Variants in ATP8B4 observed in about 807,000 individuals in gnomAD.
ATP8B4 encodes the protein probable phospholipid-transporting ATPase IM.
A neutral mutation model predicts 145.6 loss-of-function variants in ATP8B4; 133 were observed. The observed-to-expected ratio is 0.91, with a 90% CI of 0.79 to 1.05. The LOEUF (loss-of-function observed/expected upper bound fraction) is 1.05. ATP8B4 is among the 50% of genes least tolerant of loss of function. ATP8B4 has a pLI of 0.00. For synonymous variants in ATP8B4, 507 were observed against 492.9 expected (o/e 1.03, Z -0.38); for missense variants, 1,458 against 1,425.2 (o/e 1.02, Z -0.37).
upstream of ATP8B4, among the ~76,000 whole-genome samples, chr15:50,122,024 T>C (rs2057275257): frequency 6.6e-6 from 1 of 152,214 alleles, no homozygotes; most frequent in Admixed American, 6.6e-5. Context: ...GAAATTTTTA[T>C]TCTTAAGAAT....
At chr15:50,033,172 C>T (rs1270340051) in intron 6 of ATP8B4, among the ~76,000 whole-genome samples, 1 of 152,044 alleles carries the variant, frequency 6.6e-6, no homozygotes, top group Non-Finnish European at 1.5e-5. Context: ...AATACAGTTT[C>T]CAAAAATGAA....
intron 2 of ATP8B4, among the ~76,000 whole-genome samples, chr15:50,105,972 T>C (rs907272390): frequency 3.3e-5 from 5 of 152,304 alleles, no homozygotes; most frequent in East Asian, 1.9e-4. Flanking sequence ...CTGATTAGCA[T>C]TGGGAATATG....
intron 1 of ATP8B4, among the ~76,000 whole-genome samples, chr15:50,156,677 T>A (rs2140827364): frequency 6.6e-6 from 1 of 152,324 alleles, no homozygotes; most frequent in South Asian, 2.1e-4. Flanking sequence ...TAAACTGAGC[T>A]CTACATTTTC....
At chr15:49,967,365 G>A (rs574428598) in intron 13 of ATP8B4, among the ~76,000 whole-genome samples, 1 of 152,286 alleles carries the variant, frequency 6.6e-6, no homozygotes, top group African/African-American at 2.4e-5. Flanking sequence ...AGGAAGCTAA[G>A]AACTTTGTAA....
At chr15:50,073,997 T>G in intron 3 of ATP8B4, 130 bp downstream of exon 3, 1 of 640,544 alleles carries the variant, frequency 1.6e-6, no homozygotes, top group South Asian at 2.3e-5. Context: ...GAAATATATG[T>G]CACCTTGCTG....
chr15:50,044,800 C>T, intron 4 of ATP8B4, 108 bp from the exon 5 acceptor site: 2 of 654,506 alleles, frequency 3.1e-6, no homozygotes, highest in Non-Finnish European at 5.1e-6. Flanking sequence ...CTTATTTGTA[C>T]AAATGGAGAA....
chr15:50,080,903 G>A (rs2153641591), intron 2 of ATP8B4, among the ~76,000 whole-genome samples: 1 of 152,240 alleles, frequency 6.6e-6, no homozygotes, highest in South Asian at 2.1e-4. Context: ...CATGATGTCA[G>A]GAGATCGAGA....
At chr15:49,888,626 T>C (rs971279116) in intron 23 of ATP8B4, among the ~76,000 whole-genome samples, 4 of 152,286 alleles carry the variant, frequency 2.6e-5, no homozygotes, top group African/African-American at 9.6e-5. Flanking sequence ...CCTGAAGGCA[T>C]AGGGTGCTTT....
At chr15:49,978,248 G>C in intron 12 of ATP8B4, among the ~76,000 whole-genome samples, 1 of 152,156 alleles carries the variant, frequency 6.6e-6, no homozygotes, top group Non-Finnish European at 1.5e-5. Context: ...GCTGACTGTA[G>C]CTCTTCCGGC....
rs377443120 is a variant in ATP8B4 at position 49,920,430 on chromosome 15, C to G, written c.1759-20G>C. 3 of 1,582,710 alleles carry G rather than the reference C, an allele frequency of 1.9e-6. No homozygotes were observed. Among genetic ancestry groups the G allele is most frequent in the African/African-American group, 2.7e-5 (2 of 73,282 alleles). On this transcript the variant is annotated intron_variant, in intron 17 of 27. Coordinates refer to ENST00000284509, the MANE Select transcript of ATP8B4 (RefSeq NM_024837.4). ...AAATTCCTGCCAGAGATGACATAGACTCATGAACCATCAAAGAAACAATAA... is the reference window on the plus strand; with the variant it reads ...AAATTCCTGCCAGAGATGACATAGAGTCATGAACCATCAAAGAAACAATAA...
chr15:50,061,321 G>A (rs1283356398), intron 3 of ATP8B4, among the ~76,000 whole-genome samples: 1 of 152,106 alleles, frequency 6.6e-6, no homozygotes, highest in East Asian at 1.9e-4. Context: ...ACAGGAATGT[G>A]GAAGCAAGAA....
At chr15:50,070,744 TTTTG>T (rs1171218741) in intron 3 of ATP8B4, among the ~76,000 whole-genome samples, 1 of 152,146 alleles carries the variant, frequency 6.6e-6, no homozygotes, top group Non-Finnish European at 1.5e-5. Flanking sequence ...TTTTGTTTTG[TTTTG>T]TTTGTTTTTT....
In ATP8B4 at chr15:50,135,441, C is replaced by T. The variant is rs1294269431; in HGVS notation, c.-42-28433G>A. 3.9e-5 allele frequency among the ~76,000 whole-genome samples: 6 copies of T among 152,152 alleles called. No homozygotes were observed. In the East Asian group the frequency reaches 5.8e-4, roughly 15 times the overall value. Reference sequence around the variant, plus strand: ...CCATTTCCATGAATCATTATCATTGCGGCTTGCGGGAATTGCTTGAGCTAT... The same window carrying T: ...CCATTTCCATGAATCATTATCATTGTGGCTTGCGGGAATTGCTTGAGCTAT... On this transcript the variant is annotated intron_variant, in intron 1 of 3. Transcript: ENST00000558829.
At chr15:50,175,233 A>T (rs1357763077) in intron 1 of ATP8B4, among the ~76,000 whole-genome samples, 1 of 152,194 alleles carries the variant, frequency 6.6e-6, no homozygotes, top group Non-Finnish European at 1.5e-5. Flanking sequence ...ACATTGGCTT[A>T]TGCAAGGATT....
chr15:50,087,763 T>C (rs1279425463), intron 2 of ATP8B4, among the ~76,000 whole-genome samples: 1 of 152,086 alleles, frequency 6.6e-6, no homozygotes, highest in Non-Finnish European at 1.5e-5. Context: ...AAATTTTTTC[T>C]AAGCTACCAT....
intron 1 of ATP8B4, among the ~76,000 whole-genome samples, chr15:50,143,089 C>A (rs1035837238): frequency 2.0e-5 from 3 of 152,186 alleles, no homozygotes; most frequent in Admixed American, 6.5e-5. Flanking sequence ...AAGGCAAGAA[C>A]TTTTCTTCTA....
At chr15:50,056,011 T>C (rs1447033624) in intron 3 of ATP8B4, among the ~76,000 whole-genome samples, 2 of 152,140 alleles carry the variant, frequency 1.3e-5, no homozygotes, top group African/African-American at 2.4e-5. Flanking sequence ...AAGACGACAG[T>C]GCTCTTCTAC....
intron 23 of ATP8B4, among the ~76,000 whole-genome samples, chr15:49,883,769 A>G (rs1431222410): frequency 1.3e-5 from 2 of 152,138 alleles, no homozygotes; most frequent in Non-Finnish European, 2.9e-5. Context: ...CCTACTATGT[A>G]CCCACAATTT....
chr15:50,002,349 G>A (rs2047964475), intron 7 of ATP8B4, 126 bp from the exon 8 acceptor site: 5 of 713,382 alleles, frequency 7.0e-6, no homozygotes, highest in Non-Finnish European at 1.1e-5. Flanking sequence ...AAAGAAGTGA[G>A]ATCCTGTTCT....
Sources: allele counts gnomAD v4.1 joint callset (sites outside exome capture counted in the v4.1 genomes callset), GRCh38; gene constraint gnomAD v4.1.1; transcripts MANE v1.5; gene names NCBI Gene and HGNC (gene_info 2026-07-23, HGNC 2026-07-21).